The following MAP7 variants were observed in gnomAD, a reference collection of about 807,000 sequenced individuals.
MAP7 encodes the protein ensconsin.
MAP7 carries 52 observed loss-of-function variants against 94.8 expected under a neutral mutation model. The ratio of observed to expected loss-of-function variants is 0.55; its 90% CI spans 0.44 to 0.69. The LOEUF is 0.69. Ranked by LOEUF, MAP7 falls within the 30% of genes least tolerant of loss-of-function variation. The pLI, the probability that MAP7 is intolerant of heterozygous loss-of-function variation, is 0.00. For synonymous variants in MAP7, 350 were observed against 357.0 expected (o/e 0.98, Z 0.22); for missense variants, 940 against 964.6 (o/e 0.97, Z 0.34).
chr6:136,422,746 G>A (rs866975032), intron 1 of MAP7, among the ~76,000 whole-genome samples: 1 of 152,104 alleles, frequency 6.6e-6, no homozygotes, highest in Admixed American at 6.6e-5. Flanking sequence ...TTTGAAAATT[G>A]TCAGGCTGTT....
At chr6:136,346,150 C>A (rs1353067118) in intron 16 of MAP7, 71 bp from the exon 17 acceptor site, 6 of 867,040 alleles carry the variant, frequency 6.9e-6, no homozygotes, top group Non-Finnish European at 8.8e-6. Flanking sequence ...TTAGGAAAAC[C>A]AAAATGTTTT....
intron 1 of MAP7, among the ~76,000 whole-genome samples, chr6:136,464,661 GA>G (rs768185342): frequency 6.6e-6 from 1 of 152,184 alleles, no homozygotes; most frequent in Non-Finnish European, 1.5e-5. Context: ...TGAGACTCCT[GA>G]TTTTATATAA....
chr6:136,429,003 A>T (rs995458771), intron 1 of MAP7, among the ~76,000 whole-genome samples: 3 of 152,122 alleles, frequency 2.0e-5, no homozygotes, highest in African/African-American at 7.2e-5. Context: ...TTTACTAATC[A>T]TCTTATCATT....
At chr6:136,443,598 A>C (rs1365207791) in intron 1 of MAP7, among the ~76,000 whole-genome samples, 1 of 151,860 alleles carries the variant, frequency 6.6e-6, no homozygotes, top group Non-Finnish European at 1.5e-5. Context: ...CTACAAGTGC[A>C]CACCACCAGA....
In MAP7 at chr6:136,548,097, A is replaced by AC. The variant is rs1250343885; in HGVS notation, c.67+2244dup. On this transcript the variant is annotated intron_variant, in intron 1 of 17. Coordinates refer to ENST00000354570, the MANE Select transcript of MAP7 (RefSeq NM_003980.6). Reference sequence around the variant, plus strand: ...CTGTCCACGGCCACCCACCACCACCACCCCCCCCCACCCCCCCAACAATTC... The same window carrying AC: ...CTGTCCACGGCCACCCACCACCACCACCCCCCCCCCACCCCCCCAACAATTC... 6.2e-3 allele frequency among the ~76,000 whole-genome samples: 279 copies of AC among 44,924 alleles called. 2 individuals are homozygous for AC. Among genetic ancestry groups the AC allele is most frequent in the Middle Eastern group, 0.027 (2 of 74 alleles). The allele number at this position is 44,924 out of a possible 152,430, so 29.5% of individuals were successfully genotyped here.
At chr6:136,369,788 A>C (rs1054638301) in intron 8 of MAP7, among the ~76,000 whole-genome samples, 2 of 152,238 alleles carry the variant, frequency 1.3e-5, no homozygotes, top group Admixed American at 6.5e-5. Context: ...TAAAGACTTA[A>C]ATGTAAGACT....
chr6:136,537,877 T>C (rs1200177722), intron 1 of MAP7, among the ~76,000 whole-genome samples: 109 of 152,218 alleles, frequency 7.2e-4, no homozygotes, highest in Non-Finnish European at 1.5e-4. Context: ...ACCTTCCTCT[T>C]TTCAAGCGAT....
intron 1 of MAP7, among the ~76,000 whole-genome samples, chr6:136,465,421 G>A (rs888359754): frequency 6.6e-6 from 1 of 152,220 alleles, no homozygotes; most frequent in African/African-American, 2.4e-5. Context: ...CAGTGCTTAT[G>A]CATCAACTAT....
At chr6:136,504,760 A>C (rs1394151499) in intron 1 of MAP7, among the ~76,000 whole-genome samples, 1 of 152,206 alleles carries the variant, frequency 6.6e-6, no homozygotes, top group African/African-American at 2.4e-5. Flanking sequence ...GGCCCAATGC[A>C]ACCTCTGCCT....
rs562214600 is a variant in MAP7 at position 136,528,359 on chromosome 6, G to C, written c.67+21983C>G. On this transcript the variant is annotated intron_variant, in intron 1 of 17. Coordinates refer to ENST00000354570, the MANE Select transcript of MAP7 (RefSeq NM_003980.6). The stretch of plus-strand genomic sequence containing the variant: ...TTTGTAAACTTTTATTCTTGAATGA[G>C]ACATGATTTGTTATTTCCTATTATT... 2.6e-5 allele frequency among the ~76,000 whole-genome samples: 4 copies of C among 152,262 alleles called. No individual in the cohort carries two copies. In the East Asian group the frequency reaches 7.7e-4, roughly 29 times the overall value.
chr6:136,370,189 C>T (rs1296494107), intron 8 of MAP7, among the ~76,000 whole-genome samples: 1 of 152,184 alleles, frequency 6.6e-6, no homozygotes, highest in Non-Finnish European at 1.5e-5. Flanking sequence ...CATCACTGAT[C>T]ATTAAAGAAA....
chr6:136,411,726 A>T, intron 2 of MAP7, 29 bp from the exon 3 acceptor site: 1 of 1,499,008 alleles, frequency 6.7e-7, no homozygotes, highest in South Asian at 1.3e-5. Context: ...AAAACATGAG[A>T]TGAAGAGTGG....
chr6:136,520,247 C>T (rs964023947), intron 1 of MAP7, among the ~76,000 whole-genome samples: 1 of 148,542 alleles, frequency 6.7e-6, no homozygotes, highest in African/African-American at 2.5e-5. Flanking sequence ...GAGAAGAAGA[C>T]AACAACAAAG....
intron 3 of MAP7, among the ~76,000 whole-genome samples, chr6:136,392,222 C>T (rs1780976449): frequency 6.6e-6 from 1 of 151,920 alleles, no homozygotes; most frequent in Admixed American, 6.6e-5. Context: ...GGACTACAGG[C>T]GTGCACCACT....
chr6:136,532,149 C>A (rs1828521813), intron 1 of MAP7, among the ~76,000 whole-genome samples: 1 of 152,152 alleles, frequency 6.6e-6, no homozygotes, highest in Non-Finnish European at 1.5e-5. Flanking sequence ...AGCACTTGGA[C>A]AACAAGCTCA....
intron 1 of MAP7, among the ~76,000 whole-genome samples, chr6:136,471,834 C>T (rs947233480): frequency 6.6e-6 from 1 of 152,212 alleles, no homozygotes; most frequent in Non-Finnish European, 1.5e-5. Flanking sequence ...AGCCTTCCCA[C>T]TCTTCTTCCT....
At chr6:136,545,962 A>G (rs1583167774) in intron 1 of MAP7, among the ~76,000 whole-genome samples, 1 of 152,220 alleles carries the variant, frequency 6.6e-6, no homozygotes, top group African/African-American at 2.4e-5. Flanking sequence ...GTTATTGACT[A>G]TAATCAATCT....
Position 136,344,133 on chromosome 6 carries a change from C to T in MAP7, c.*95G>A, listed in dbSNP as rs534857109. The T allele has an allele frequency of 4.5e-5, 23 of 515,436 alleles. No homozygotes were observed. The South Asian group carries it at 1.2e-3, about 27-fold the overall frequency. The allele number at this position is 515,436 out of a possible 1,614,324, so 31.9% of individuals were successfully genotyped here. On this transcript the variant is annotated 3_prime_UTR_variant, in exon 18 of 18. Transcript: ENST00000354570. ...AATGATGGTCAAGAACTCTAGAAAA[C>T]GGGTGGAGGGGATGCTCCTTTATAG...
chr6:136,377,891 G>A, intron 6 of MAP7, 23 bp from the exon 7 acceptor site: 2 of 1,522,846 alleles, frequency 1.3e-6, no homozygotes, highest in South Asian at 1.1e-5. Context: ...ACATAAGCAA[G>A]ATGTTAGAAG....
Sources: allele counts gnomAD v4.1 joint callset (sites outside exome capture counted in the v4.1 genomes callset), GRCh38; gene constraint gnomAD v4.1.1; transcripts MANE v1.5; gene names NCBI Gene and HGNC (gene_info 2026-07-23, HGNC 2026-07-21).